The following LIMA1 variants were observed in gnomAD, a reference collection of about 807,000 sequenced individuals.
LIMA1 encodes the protein LIM domain and actin-binding protein 1.
Under a neutral mutation model 62.6 loss-of-function variants are expected in LIMA1, and 52 were observed. That is an observed-to-expected ratio of 0.83 (90% confidence interval 0.67 to 1.05). The LOEUF is 1.05. Ranked by LOEUF, LIMA1 falls within the 50% of genes least tolerant of loss-of-function variation. The pLI is 0.00. For synonymous variants in LIMA1, 302 were observed against 317.8 expected, an observed-to-expected ratio of 0.95 and a Z score of 0.53; for missense variants, 780 against 902.2, an observed-to-expected ratio of 0.86 and a Z score of 1.74.
Position 50,176,654 on chromosome 12 carries a change from G to C in LIMA1, c.*410C>G, listed in dbSNP as rs1171914689. 6.3e-6 allele frequency: 1 copy of C among 158,392 alleles called. No homozygotes were observed. The highest frequency in any genetic ancestry group is 2.4e-5 in the African/African-American group (1 of 41,638). The allele number at this position is 158,392 out of a possible 1,614,324, so 9.8% of individuals were successfully genotyped here. ...TGCCCTTTATACTAAAGTGCATTCA[G>C]TCGTAATGTTTAAGCCCCTAAATTC... On this transcript the variant is annotated 3_prime_UTR_variant, in exon 11 of 11. Coordinates refer to ENST00000341247, the MANE Select transcript of LIMA1 (RefSeq NM_016357.5).
chr12:50,282,116 GCCTT>G (rs1942346654), intron 1 of LIMA1, among the ~76,000 whole-genome samples: 1 of 151,058 alleles, frequency 6.6e-6, no homozygotes, highest in South Asian at 2.1e-4. Context: ...ACTTTTTTTT[GCCTT>G]CTTTCACGCC....
intron 9 of LIMA1, among the ~76,000 whole-genome samples, chr12:50,190,826 C>A (rs1430584249): frequency 7.0e-6 from 1 of 142,456 alleles, no homozygotes; most frequent in Non-Finnish European, 1.5e-5. Flanking sequence ...AAAGTGGGAA[C>A]AACAGGGCCA....
At chr12:50,201,435 A>G in intron 6 of LIMA1, 1 of 982,440 alleles carries the variant, frequency 1.0e-6, no homozygotes, top group Non-Finnish European at 1.2e-6. Flanking sequence ...TTTTCCATAT[A>G]CAATTCATAT....
intron 2 of LIMA1, among the ~76,000 whole-genome samples, chr12:50,245,960 G>A (rs886221044): frequency 1.1e-4 from 16 of 151,598 alleles, no homozygotes; most frequent in Admixed American, 7.9e-4. Context: ...CAGGCCGGGC[G>A]TGGTGGCTCA....
chr12:50,224,737 A>AT (rs923731876), intron 3 of LIMA1, among the ~76,000 whole-genome samples: 18 of 151,100 alleles, frequency 1.2e-4, no homozygotes, highest in Non-Finnish European at 1.8e-4. Flanking sequence ...TCCTATTTTA[A>AT]TTTTTTTTTA....
chr12:50,206,406 T>G (rs1158916755), intron 4 of LIMA1, among the ~76,000 whole-genome samples: 3 of 152,190 alleles, frequency 2.0e-5, no homozygotes, highest in African/African-American at 7.2e-5. Context: ...GTTTCCTTTC[T>G]CCGTCTCATG....
intron 9 of LIMA1, among the ~76,000 whole-genome samples, chr12:50,183,696 A>G (rs1940558718): frequency 6.6e-6 from 1 of 150,950 alleles, no homozygotes; most frequent in Non-Finnish European, 1.5e-5. Flanking sequence ...CTATAGTCCC[A>G]GCTACTCGGG....
intron 1 of LIMA1, among the ~76,000 whole-genome samples, chr12:50,264,602 C>T (rs1024517650): frequency 1.3e-5 from 2 of 152,122 alleles, no homozygotes; most frequent in African/African-American, 4.8e-5. Flanking sequence ...CTTTACTTTC[C>T]TTCTATGTAA....
At chr12:50,261,762 G>A (rs1026246658) in intron 1 of LIMA1, among the ~76,000 whole-genome samples, 1 of 152,080 alleles carries the variant, frequency 6.6e-6, no homozygotes, top group African/African-American at 2.4e-5. Flanking sequence ...GAACTCCTGG[G>A]CTCAAGCGAT....
Position 50,254,027 on chromosome 12 carries a change from C to CAAA in LIMA1, c.-23-5256_-23-5254dup, listed in dbSNP as rs376086760. ...TGGGCGACAGAGCGAGACTCTGTCTCAAAAAAAAAAAAAAAAAAAAGAAAG... is the reference window on the plus strand; with the variant it reads ...TGGGCGACAGAGCGAGACTCTGTCTCAAAAAAAAAAAAAAAAAAAAAAAGAAAG... On this transcript the variant is annotated intron_variant, in intron 1 of 10. Coordinates refer to ENST00000341247, the MANE Select transcript of LIMA1 (RefSeq NM_016357.5). 7.4e-4 allele frequency among the ~76,000 whole-genome samples: 69 copies of CAAA among 93,646 alleles called. 1 individual carries two copies. The highest frequency in any genetic ancestry group is 2.1e-3 in the African/African-American group (52 of 24,276). 61.4% of individuals were successfully genotyped at this position (93,646 alleles called of 152,430 possible).
In LIMA1 at chr12:50,283,167, G is replaced by A. The variant is rs117989556; in HGVS notation, c.-24+253C>T. On this transcript the variant is annotated intron_variant, in intron 1 of 10. Transcript: ENST00000341247. ...AGTTAGAATGCAGTGTTCTCGGTGG[G>A]AGAGGACGGGGTATTTGCAGCTCCC... Among the ~76,000 whole-genome samples the A allele has an allele frequency of 6.6e-3, 824 of 125,398 alleles. 1 individual carries two copies. Among genetic ancestry groups the A allele is most frequent in the Non-Finnish European group, 0.011 (598 of 56,756 alleles). 82.3% of individuals were successfully genotyped at this position (125,398 alleles called of 152,430 possible).
intron 1 of LIMA1, among the ~76,000 whole-genome samples, chr12:50,261,046 T>TTTC (rs1942066047): frequency 8.3e-5 from 3 of 35,948 alleles, no homozygotes; most frequent in African/African-American, 4.7e-4. Flanking sequence ...TAGTATATTT[T>TTTC]TTTTTTTTTT....
At chr12:50,244,289 G>C (rs1421419304) in intron 2 of LIMA1, among the ~76,000 whole-genome samples, 1 of 152,116 alleles carries the variant, frequency 6.6e-6, no homozygotes, top group Non-Finnish European at 1.5e-5. Flanking sequence ...TTTTTTAGTA[G>C]AGATAGGGTT....
Position 50,200,878 on chromosome 12 carries a change from G to C in LIMA1, c.871C>G (p.Leu291Val). 6.2e-7 allele frequency: 1 copy of C among 1,613,254 alleles called. No individual in the cohort carries two copies. The change falls in exon 7 of 11, where the codon CTG becomes GTG. Residue 291 changes from leucine (L) to valine (V), a missense_variant. Transcript: ENST00000341247. ...QSSSTNYTNE[L>V]KASGGEIKIH... Reference sequence around the variant, plus strand: ...TTGATTTCGCCACCACTGGCTTTCAGCTCATTCTACAAAATAAAAATAACT... The same window carrying C: ...TTGATTTCGCCACCACTGGCTTTCACCTCATTCTACAAAATAAAAATAACT...
intron 8 of LIMA1, 36 bp from the exon 9 acceptor site, chr12:50,192,597 T>G: frequency 6.8e-7 from 1 of 1,470,194 alleles, no homozygotes; most frequent in Non-Finnish European, 9.5e-7. Flanking sequence ...TTTTACAGTA[T>G]CTCATGGAAT....
chr12:50,266,283 G>A (rs1011271770), intron 1 of LIMA1, among the ~76,000 whole-genome samples: 1 of 152,140 alleles, frequency 6.6e-6, no homozygotes, highest in Non-Finnish European at 1.5e-5. Flanking sequence ...CAAGTCATGA[G>A]GTAGGTACCA....
rs1409698912 is a variant in LIMA1 at position 50,200,951 on chromosome 12, T to C, written c.865-67A>G. 1.9e-6 allele frequency: 3 copies of C among 1,565,734 alleles called. No homozygotes were observed. The African/African-American group carries it at 4.1e-5, about 22-fold the overall frequency. Reference sequence around the variant, plus strand: ...ATCATTCTGTTCTCTTCATAGCACATCTATTAGATAAACTTGGAATGTTAA... The same window carrying C: ...ATCATTCTGTTCTCTTCATAGCACACCTATTAGATAAACTTGGAATGTTAA... On this transcript the variant is annotated intron_variant, in intron 6 of 10. Coordinates refer to ENST00000341247, the MANE Select transcript of LIMA1 (RefSeq NM_016357.5).
intron 10 of LIMA1, among the ~76,000 whole-genome samples, chr12:50,178,339 G>A (rs1776257559): frequency 6.6e-6 from 1 of 152,092 alleles, no homozygotes; most frequent in African/African-American, 2.4e-5. Flanking sequence ...TTGAGCCCAG[G>A]AGTTTGAGAC....
chr12:50,198,918 C>T (rs1940986627), intron 7 of LIMA1, among the ~76,000 whole-genome samples: 1 of 152,158 alleles, frequency 6.6e-6, no homozygotes, highest in African/African-American at 2.4e-5. Context: ...GTGGCTTTCT[C>T]CTGCTGCACC....
Sources: gnomAD v4.1 joint callset for allele counts (sites outside exome capture counted in the v4.1 genomes callset) on GRCh38, gnomAD v4.1.1 for gene constraint, MANE v1.5 for transcripts, NCBI Gene and HGNC (gene_info 2026-07-23, HGNC 2026-07-21) for gene names.